AGMO: variants seen among roughly 807,000 people sequenced by gnomAD.
The protein encoded by AGMO is glyceryl-ether monooxygenase.
Under a neutral mutation model 60.2 loss-of-function variants are expected in AGMO, and 75 were observed. That is an observed-to-expected ratio of 1.25 (90% CI 1.03 to 1.51). AGMO has a LOEUF of 1.51. Among genes scored for constraint, AGMO ranks in the 40% most tolerant of loss-of-function variants. The probability of loss-of-function intolerance (pLI) is 0.00; values close to 1 mark genes in which losing one functional copy is unlikely to be tolerated. For synonymous variants in AGMO, 261 were observed against 177.1 expected (o/e 1.47, Z -3.76); for missense variants, 763 against 525.5 (o/e 1.45, Z -4.42).
intron 3 of AGMO, among the ~76,000 whole-genome samples, chr7:15,534,454 G>A (rs1005643837): frequency 5.3e-5 from 8 of 151,902 alleles, no homozygotes; most frequent in African/African-American, 1.9e-4. Context: ...CTTTATAAAA[G>A]CAAAATATAA....
chr7:15,549,111 A>G lies in AGMO; in HGVS notation c.258-4188T>C, dbSNP rs1327340095. 8.0e-5 allele frequency among the ~76,000 whole-genome samples: 12 copies of G among 149,632 alleles called. No homozygotes were observed. The East Asian group carries it at 2.0e-3, about 24-fold the overall frequency. ...AAATAAAATACTTTACAGACAAGCAAATGCTGAGAGATTTTGTCACCACCA... is the reference window on the plus strand; with the variant it reads ...AAATAAAATACTTTACAGACAAGCAGATGCTGAGAGATTTTGTCACCACCA... On this transcript the variant is annotated intron_variant, in intron 2 of 12. Transcript: ENST00000342526.
intron 12 of AGMO, among the ~76,000 whole-genome samples, chr7:15,340,304 T>C (rs924845951): frequency 1.3e-5 from 2 of 152,236 alleles, no homozygotes; most frequent in African/African-American, 2.4e-5. Context: ...TGTGGTATCA[T>C]ATCAGTACTC....
rs777050781 is a variant in AGMO at position 15,489,761 on chromosome 7, A to C, written c.409+55011T>G. Reference sequence around the variant, plus strand: ...TCCTGTGGTTTGTTAACCCGACATCATCTAAGCTAATGCCTAGGTCAGTGT... The same window carrying C: ...TCCTGTGGTTTGTTAACCCGACATCCTCTAAGCTAATGCCTAGGTCAGTGT... On this transcript the variant is annotated intron_variant, in intron 3 of 12. Coordinates refer to ENST00000342526, the MANE Select transcript of AGMO (RefSeq NM_001004320.2). Among the ~76,000 whole-genome samples the C allele has an allele frequency of 1.5e-3, 221 of 152,180 alleles. 1 individual carries two copies. Among genetic ancestry groups the C allele is most frequent in the Non-Finnish European group, 4.3e-4 (29 of 68,020 alleles).
intron 3 of AGMO, among the ~76,000 whole-genome samples, chr7:15,462,731 C>T (rs1164839479): frequency 6.6e-6 from 1 of 152,002 alleles, no homozygotes; most frequent in Non-Finnish European, 1.5e-5. Flanking sequence ...GGCTAAAATG[C>T]CCTATATGAA....
the AGMO span, among the ~76,000 whole-genome samples, chr7:15,120,985 C>G: frequency 1.3e-5 from 2 of 152,000 alleles, no homozygotes; most frequent in African/African-American, 2.4e-5. Context: ...TGCCCACCCC[C>G]AGACAGGCCA....
intron 12 of AGMO, among the ~76,000 whole-genome samples, chr7:15,224,377 G>T (rs1019275079): frequency 2.0e-5 from 3 of 151,886 alleles, no homozygotes; most frequent in Non-Finnish European, 4.4e-5. Context: ...TGGGATGAAT[G>T]TACTTATAGA....
the AGMO span, among the ~76,000 whole-genome samples, chr7:15,148,015 A>C: frequency 6.6e-6 from 1 of 152,220 alleles, no homozygotes; most frequent in Admixed American, 6.5e-5. Context: ...AACTAAAGCA[A>C]AACAGTCTTG....
chr7:15,355,492 G>C (rs115052536), intron 12 of AGMO, among the ~76,000 whole-genome samples: 2 of 108,952 alleles, frequency 1.8e-5, no homozygotes, highest in African/African-American at 7.9e-5. Flanking sequence ...ACAACTGAGT[G>C]AGACTCTGTC....
intron 5 of AGMO, among the ~76,000 whole-genome samples, chr7:15,414,693 T>A (rs1049152108): frequency 6.6e-6 from 1 of 152,136 alleles, no homozygotes; most frequent in Non-Finnish European, 1.5e-5. Flanking sequence ...AAATTATGCA[T>A]GACAAAAATC....
chr7:15,232,463 A>G (rs908420642), intron 12 of AGMO, among the ~76,000 whole-genome samples: 2 of 152,194 alleles, frequency 1.3e-5, no homozygotes, highest in South Asian at 2.1e-4. Flanking sequence ...TTATATCAAT[A>G]TATCAGAATA....
At chr7:15,362,432 TTAATAA>T (rs144177107) in intron 12 of AGMO, among the ~76,000 whole-genome samples, 4 of 152,280 alleles carry the variant, frequency 2.6e-5, no homozygotes, top group Non-Finnish European at 5.9e-5. Context: ...GCTTGTGGTT[TTAATAA>T]TAATAATAGT....
intron 12 of AGMO, among the ~76,000 whole-genome samples, chr7:15,255,414 T>G (rs1783066038): frequency 6.6e-6 from 1 of 151,632 alleles, no homozygotes; most frequent in Admixed American, 6.6e-5. Flanking sequence ...TACAAAACAT[T>G]TAAAGAAAGA....
chr7:15,218,072 A>G (rs576783949), intron 12 of AGMO, among the ~76,000 whole-genome samples: 81 of 152,214 alleles, frequency 5.3e-4, no homozygotes, highest in Non-Finnish European at 9.0e-4. Context: ...ATTTATCAAT[A>G]AGAAAAAAGA....
chr7:15,268,274 T>G (rs1180475191), intron 12 of AGMO, among the ~76,000 whole-genome samples: 1 of 152,038 alleles, frequency 6.6e-6, no homozygotes, highest in Admixed American at 6.6e-5. Context: ...AGGAATACTC[T>G]AAGTTTTAAA....
chr7:15,500,200 T>C (rs944994653), intron 3 of AGMO, among the ~76,000 whole-genome samples: 1 of 151,880 alleles, frequency 6.6e-6, no homozygotes, highest in Non-Finnish European at 1.5e-5. Flanking sequence ...CTGAATACCA[T>C]GTTAATGACA....
intron 10 of AGMO, among the ~76,000 whole-genome samples, chr7:15,370,998 G>A (rs565976200): frequency 8.3e-4 from 126 of 152,142 alleles, no homozygotes; most frequent in African/African-American, 2.9e-3. Context: ...CAACAAAGTT[G>A]ACAAAAGCAA....
chr7:15,331,654 C>T lies in AGMO; in HGVS notation c.1263+33860G>A, dbSNP rs774457410. On this transcript the variant is annotated intron_variant, in intron 12 of 12. Transcript: ENST00000342526. Reference sequence around the variant, plus strand: ...TTAGTTAAGAATTGCCGACCAGGCGCGGTGGCTCACACCTGTAATCCCAAC... The same window carrying T: ...TTAGTTAAGAATTGCCGACCAGGCGTGGTGGCTCACACCTGTAATCCCAAC... Among the ~76,000 whole-genome samples, 64 of 152,208 alleles carry T rather than the reference C, an allele frequency of 4.2e-4. 1 individual carries two copies. The Middle Eastern group carries it at 0.014, about 32-fold the overall frequency.
chr7:15,340,075 T>TTTTGGA (rs1359352677), intron 12 of AGMO, among the ~76,000 whole-genome samples: 1 of 152,200 alleles, frequency 6.6e-6, no homozygotes, highest in Non-Finnish European at 1.5e-5. Context: ...TTTCCGATTT[T>TTTTGGA]TTTGGATTTG....
chr7:15,357,326 G>A (rs1364927304), intron 12 of AGMO, among the ~76,000 whole-genome samples: 2 of 151,766 alleles, frequency 1.3e-5, no homozygotes, highest in African/African-American at 4.8e-5. Flanking sequence ...CTTGTAGCCA[G>A]ATAAACAGTT....
Sources: allele counts gnomAD v4.1 joint callset (sites outside exome capture counted in the v4.1 genomes callset), GRCh38; gene constraint gnomAD v4.1.1; transcripts MANE v1.5; gene names NCBI Gene and HGNC (gene_info 2026-07-23, HGNC 2026-07-21).